Variants in CATSPERT observed in about 807,000 individuals in gnomAD.
CATSPERT encodes catsper channel auxiliary subunit tau.
chr2:201,492,119 C>A, the CATSPERT span: 2 of 1,526,530 alleles, frequency 1.3e-6, no homozygotes, highest in East Asian at 4.9e-5. Context: ...CGAATCAATT[C>A]TGCTTCTCTA....
the CATSPERT span, among the ~76,000 whole-genome samples, chr2:201,617,014 T>C: frequency 2.0e-5 from 3 of 152,070 alleles, no homozygotes; most frequent in Non-Finnish European, 2.9e-5. Flanking sequence ...ATGTGAAGGT[T>C]CTCTTCAAGG....
At chr2:201,574,210 T>G in the CATSPERT span, 1 of 1,601,452 alleles carries the variant, frequency 6.2e-7, no homozygotes, top group Non-Finnish European at 8.5e-7. Flanking sequence ...GGAACTAACC[T>G]GATGTGAAAA....
the CATSPERT span, among the ~76,000 whole-genome samples, chr2:201,612,115 C>T: frequency 2.0e-5 from 3 of 152,150 alleles, no homozygotes; most frequent in Non-Finnish European, 4.4e-5. Context: ...GTGCTAAGCA[C>T]TTTATATCAT....
chr2:201,577,187 A>T, the CATSPERT span, among the ~76,000 whole-genome samples: 1 of 152,200 alleles, frequency 6.6e-6, no homozygotes, highest in East Asian at 1.9e-4. Context: ...AATGAACTTC[A>T]TGTTTAGACT....
the CATSPERT span, chr2:201,492,595 A>G: frequency 6.5e-7 from 1 of 1,528,200 alleles, no homozygotes; most frequent in Non-Finnish European, 8.8e-7. Flanking sequence ...CTCATTAAAT[A>G]AACTGCTTTC....
the CATSPERT span, chr2:201,491,052 G>A: frequency 7.1e-4 from 628 of 878,332 alleles, 3 homozygotes; most frequent in African/African-American, 9.4e-3. Context: ...TTGGAGGTCT[G>A]TATGTCTTGG....
At chr2:201,527,828 C>T in the CATSPERT span, among the ~76,000 whole-genome samples, 19 of 152,028 alleles carry the variant, frequency 1.2e-4, no homozygotes, top group East Asian at 3.5e-3. Context: ...TAGGAAACAC[C>T]ATTCTGGACA....
At chr2:201,489,808 A>G in the CATSPERT span, among the ~76,000 whole-genome samples, 2 of 151,962 alleles carry the variant, frequency 1.3e-5, no homozygotes, top group African/African-American at 2.4e-5. Flanking sequence ...TAGATTTTAA[A>G]TTTGCTTTAG....
the CATSPERT span, among the ~76,000 whole-genome samples, chr2:201,578,498 A>G: frequency 6.6e-6 from 1 of 152,152 alleles, no homozygotes; most frequent in Non-Finnish European, 1.5e-5. Context: ...TCTGCTGTTG[A>G]GCCCATTCAG....
At chr2:201,536,248 C>T in the CATSPERT span, 1 of 1,613,220 alleles carries the variant, frequency 6.2e-7, no homozygotes, top group Non-Finnish European at 8.5e-7. Flanking sequence ...GAAGCATCAG[C>T]AGTTGAATTA....
the CATSPERT span, among the ~76,000 whole-genome samples, chr2:201,616,849 C>A: frequency 3.9e-5 from 6 of 152,348 alleles, no homozygotes; most frequent in East Asian, 1.2e-3. Context: ...TGATAAGCAA[C>A]TTCAGCAAAG....
At chr2:201,566,830 A>G in the CATSPERT span, among the ~76,000 whole-genome samples, 1 of 152,156 alleles carries the variant, frequency 6.6e-6, no homozygotes, top group Non-Finnish European at 1.5e-5. Flanking sequence ...TTTAAAATCT[A>G]TTAATTTTTT....
At chr2:201,595,507 A>T in the CATSPERT span, among the ~76,000 whole-genome samples, 3 of 152,118 alleles carry the variant, frequency 2.0e-5, no homozygotes, top group African/African-American at 7.2e-5. Flanking sequence ...TCCTTCTAAC[A>T]GACAGGACCC....
chr2:201,563,216 C>G, the CATSPERT span, among the ~76,000 whole-genome samples: 9 of 121,938 alleles, frequency 7.4e-5, 1 homozygote, highest in African/African-American at 2.2e-4. Context: ...CCCTCCCGGA[C>G]TGGGCGGCTG....
the CATSPERT span, among the ~76,000 whole-genome samples, chr2:201,501,581 C>G: frequency 1.3e-5 from 2 of 151,506 alleles, no homozygotes; most frequent in African/African-American, 2.4e-5. Flanking sequence ...AATAGAAACA[C>G]GATAGAGAAT....
chr2:201,579,682 GT>G, the CATSPERT span, among the ~76,000 whole-genome samples: 9 of 144,770 alleles, frequency 6.2e-5, no homozygotes, highest in Admixed American at 6.9e-5. Context: ...GTGCGTTTTG[GT>G]TTTTTTTTTA....
the CATSPERT span, among the ~76,000 whole-genome samples, chr2:201,573,698 C>G: frequency 2.1e-3 from 323 of 152,214 alleles, 3 homozygotes; most frequent in African/African-American, 7.4e-3. Context: ...AGTCTATCGC[C>G]CAGGCTGGAG....
At chr2:201,505,076 G>A in the CATSPERT span, among the ~76,000 whole-genome samples, 1 of 152,104 alleles carries the variant, frequency 6.6e-6, no homozygotes, top group Admixed American at 6.5e-5. Context: ...TTAGCTGGGG[G>A]CTCCCCAAAT....
the CATSPERT span, among the ~76,000 whole-genome samples, chr2:201,594,615 C>G: frequency 6.6e-6 from 1 of 152,062 alleles, no homozygotes; most frequent in African/African-American, 2.4e-5. Flanking sequence ...TTCAGGTACA[C>G]CAATCAGACG....
Sources: gnomAD v4.1 joint callset for allele counts (sites outside exome capture counted in the v4.1 genomes callset) on GRCh38, gnomAD v4.1.1 for gene constraint, MANE v1.5 for transcripts, NCBI Gene and HGNC (gene_info 2026-07-23, HGNC 2026-07-21) for gene names.